The following HIBCH variants were observed in gnomAD, a reference collection of about 807,000 sequenced individuals.
HIBCH encodes the protein 3-hydroxyisobutyryl-CoA hydrolase, mitochondrial.
A neutral mutation model predicts 58.2 loss-of-function variants in HIBCH; 50 were observed. The ratio of observed to expected loss-of-function variants is 0.86; its 90% CI spans 0.68 to 1.09. The LOEUF is 1.09. Among genes scored for constraint, HIBCH ranks in the 50% least tolerant of loss-of-function variants. The pLI, the probability that HIBCH is intolerant of heterozygous loss-of-function variation, is 0.00. For missense variants in HIBCH, 450 were observed against 449.7 expected, an observed-to-expected ratio of 1.00 and a Z score of -0.01; for synonymous variants, 151 against 146.9, an observed-to-expected ratio of 1.03 and a Z score of -0.20.
rs772737021 is a variant in HIBCH at position 190,254,171 on chromosome 2, A to C, written c.518-1864T>G. Among the ~76,000 whole-genome samples the C allele has an allele frequency of 2.6e-5, 4 of 152,168 alleles. No homozygotes were observed. Among genetic ancestry groups the C allele is most frequent in the Admixed American group, 6.5e-5 (1 of 15,276 alleles). The stretch of plus-strand genomic sequence containing the variant: ...CCAAAAAGTCCTATGTTGAAGCCCT[A>C]ACCCTCGATGTAACTGCATTTGGAA... On this transcript the variant is annotated intron_variant, in intron 7 of 13. Coordinates refer to ENST00000359678, the MANE Select transcript of HIBCH (RefSeq NM_014362.4). This position sits in a 1 kb window ranked among gnomAD's most constrained non-coding sequence, Gnocchi z 5.0.
At chr2:190,244,286 G>T (rs1686542250) in intron 11 of HIBCH, among the ~76,000 whole-genome samples, 1 of 152,000 alleles carries the variant, frequency 6.6e-6, no homozygotes, top group Admixed American at 6.6e-5. Flanking sequence ...TCATACTAGA[G>T]GTCCACGAAT....
chr2:190,199,709 C>A, downstream of HIBCH: 1 of 1,461,876 alleles, frequency 6.8e-7, no homozygotes, highest in Non-Finnish European at 9.0e-7. Flanking sequence ...AAACACTACA[C>A]GTGAAGAGTG....
In HIBCH at chr2:190,236,870, T is replaced by C. The variant is rs1393277307; in HGVS notation, c.891+8017A>G. On this transcript the variant is annotated intron_variant, in intron 11 of 13. Coordinates refer to ENST00000359678, the MANE Select transcript of HIBCH (RefSeq NM_014362.4). The surrounding 1 kb of genome is among the most constrained non-coding windows in gnomAD (Gnocchi z 4.1). ...GCCAATGGTAGCATTTAAGGGTCGCTAAGGCCCATCAGTGAACTAGAAAAC... is the reference window on the plus strand; with the variant it reads ...GCCAATGGTAGCATTTAAGGGTCGCCAAGGCCCATCAGTGAACTAGAAAAC... Among the ~76,000 whole-genome samples the C allele has an allele frequency of 6.6e-6, 1 of 152,198 alleles. No homozygotes were observed. The highest frequency in any genetic ancestry group is 2.4e-5 in the African/African-American group (1 of 41,466).
At chr2:190,294,755 C>A in intron 3 of HIBCH, 125 bp from the exon 4 acceptor site, 1 of 706,848 alleles carries the variant, frequency 1.4e-6, no homozygotes, top group Non-Finnish European at 2.6e-6. Context: ...AGTACATATT[C>A]TTCTGTAAGG....
At chr2:190,218,263 T>C (rs1685617386) in intron 11 of HIBCH, among the ~76,000 whole-genome samples, 1 of 152,150 alleles carries the variant, frequency 6.6e-6, no homozygotes, top group Non-Finnish European at 1.5e-5. Context: ...GACCACACCA[T>C]ATCAAGGCCA....
intron 6 of HIBCH, among the ~76,000 whole-genome samples, chr2:190,269,191 A>C (rs1687321655): frequency 6.6e-6 from 1 of 152,232 alleles, no homozygotes; most frequent in Non-Finnish European, 1.5e-5. Context: ...TTCATGACTA[A>C]AACAGCAAAA....
intron 2 of HIBCH, among the ~76,000 whole-genome samples, chr2:190,298,534 G>A (rs62184436): frequency 0.16 from 24,422 of 151,842 alleles, 2,586 homozygotes; most frequent in Admixed American, 0.33. Flanking sequence ...TTAGTTGGCC[G>A]TATACATGTC....
intron 11 of HIBCH, among the ~76,000 whole-genome samples, chr2:190,223,792 C>G (rs1195450596): frequency 6.6e-6 from 1 of 152,178 alleles, no homozygotes; most frequent in East Asian, 1.9e-4. Context: ...AAAGAGAACA[C>G]AGAAGATGGC....
chr2:190,191,090 T>C (rs568961772), intron 1 of HIBCH, among the ~76,000 whole-genome samples: 12 of 152,316 alleles, frequency 7.9e-5, no homozygotes, highest in African/African-American at 2.6e-4. Flanking sequence ...ACATCTTTGT[T>C]GTCAACTTTT....
At chr2:190,232,809 T>C (rs748978023) in intron 11 of HIBCH, among the ~76,000 whole-genome samples, 33 of 151,862 alleles carry the variant, frequency 2.2e-4, no homozygotes, top group Non-Finnish European at 4.0e-4. Flanking sequence ...GTACAAAAAA[T>C]TAGCCAGGTG....
rs199859881 is a variant in HIBCH at position 190,310,809 on chromosome 2, T to A, written c.36-13A>T. ...GAATGCATTAAACCTGAAACAAATG[T>A]GGAAAACAATGAGAACAGTAATGTG... On this transcript the variant is annotated splice_polypyrimidine_tract_variant and intron_variant, in intron 1 of 13. Coordinates refer to ENST00000359678, the MANE Select transcript of HIBCH (RefSeq NM_014362.4). The A allele has an allele frequency of 6.6e-4, 1,045 of 1,581,050 alleles. No individual in the cohort carries two copies. The highest frequency in any genetic ancestry group is 8.8e-4 in the Non-Finnish European group (1,008 of 1,149,948).
Position 190,236,650 on chromosome 2 carries a change from A to G in HIBCH, c.891+8237T>C, listed in dbSNP as rs1045311729. ...GTCATATTACTATATAAAGACCAAA[A>G]CAGACCTTCAAAACATGGCACTAAT... On this transcript the variant is annotated intron_variant, in intron 11 of 13. Coordinates refer to ENST00000359678, the MANE Select transcript of HIBCH (RefSeq NM_014362.4). The surrounding 1 kb of genome is among the most constrained non-coding windows in gnomAD (Gnocchi z 4.1). Among the ~76,000 whole-genome samples the G allele has an allele frequency of 1.3e-5, 2 of 152,194 alleles. No individual in the cohort carries two copies. Among genetic ancestry groups the G allele is most frequent in the Non-Finnish European group, 2.9e-5 (2 of 68,018 alleles).
chr2:190,310,557 G>T (rs1399215107), intron 2 of HIBCH, among the ~76,000 whole-genome samples, 197 bp downstream of exon 2: 1 of 152,166 alleles, frequency 6.6e-6, no homozygotes, highest in Non-Finnish European at 1.5e-5. Context: ...ATTCTGACTT[G>T]TAAGAACCAT....
Position 190,216,503 on chromosome 2 carries a change from G to A in HIBCH, c.892-3428C>T, listed in dbSNP as rs1359034943. Reference sequence around the variant, plus strand: ...AGGGTTGTAAACTCAAATGACTACAGGGCCAGTAAATGATGAGAAGGAGGG... The same window carrying A: ...AGGGTTGTAAACTCAAATGACTACAAGGCCAGTAAATGATGAGAAGGAGGG... On this transcript the variant is annotated intron_variant, in intron 11 of 13. Transcript: ENST00000359678. This position sits in a 1 kb window ranked among gnomAD's most constrained non-coding sequence, Gnocchi z 4.2. Among the ~76,000 whole-genome samples, 1 of 152,156 alleles carries A rather than the reference G, an allele frequency of 6.6e-6. No homozygotes were observed. Among genetic ancestry groups the A allele is most frequent in the Non-Finnish European group, 1.5e-5 (1 of 68,044 alleles).
intron 1 of HIBCH, among the ~76,000 whole-genome samples, chr2:190,314,719 T>A (rs1688668609): frequency 6.6e-6 from 1 of 152,128 alleles, no homozygotes; most frequent in Admixed American, 6.5e-5. Flanking sequence ...CCTCAGGTGA[T>A]CCGCCCACCT....
Position 190,287,621 on chromosome 2 carries a change from A to G in HIBCH, c.403T>C (p.Tyr135His). 1 of 1,611,648 alleles carries G rather than the reference A, an allele frequency of 6.2e-7. No individual in the cohort carries two copies. Among genetic ancestry groups the G allele is most frequent in the Non-Finnish European group, 8.5e-7 (1 of 1,177,888 alleles). The change falls in exon 6 of 14, where the codon TAT becomes CAT. Residue 135 changes from tyrosine (Y) to histidine (H), a missense_variant. Coordinates refer to ENST00000359678, the MANE Select transcript of HIBCH (RefSeq NM_014362.4). ...GTAATTCCATGAATAAGTGCAACAT[A>G]AGGTTTCTGGCAAGAACCTGAAAGA... is the stretch of plus-strand genomic sequence containing the variant. Reference protein sequence around the residue: ...NNAVGSCQKPYVALIHGITMG... With the variant: ...NNAVGSCQKPHVALIHGITMG...
intron 4 of HIBCH, among the ~76,000 whole-genome samples, chr2:190,292,998 TTA>T (rs1213260207): frequency 6.6e-6 from 1 of 152,198 alleles, no homozygotes; most frequent in African/African-American, 2.4e-5. Flanking sequence ...ATCCACTGCT[TTA>T]TATGTGTAAA....
intron 7 of HIBCH, among the ~76,000 whole-genome samples, chr2:190,258,785 T>C (rs1373017873): frequency 6.6e-6 from 1 of 152,220 alleles, no homozygotes; most frequent in Non-Finnish European, 1.5e-5. Context: ...CATTTGAGGT[T>C]TTTTTCTAAA....
At chr2:190,248,334 G>GT (rs1006584003) in intron 9 of HIBCH, among the ~76,000 whole-genome samples, 188 of 151,602 alleles carry the variant, frequency 1.2e-3, no homozygotes, top group African/African-American at 3.8e-3. Flanking sequence ...ACGTCTATGG[G>GT]TTTTTTTTTC....
Sources: gnomAD v4.1 joint callset for allele counts (sites outside exome capture counted in the v4.1 genomes callset) on GRCh38, gnomAD v4.1.1 for gene constraint, Gnocchi (gnomAD v3.1) non-coding constraint, MANE v1.5 for transcripts, NCBI Gene and HGNC (gene_info 2026-07-23, HGNC 2026-07-21) for gene names.